The following PTPRK variants were observed in gnomAD, a reference collection of about 807,000 sequenced individuals.
PTPRK encodes protein tyrosine phosphatase receptor type K, also known as receptor-type tyrosine-protein phosphatase kappa.
Under a neutral mutation model 178.0 loss-of-function variants are expected in PTPRK, and 75 were observed. That is an observed-to-expected ratio of 0.42 (90% CI 0.35 to 0.51). The LOEUF is 0.51. Among genes scored for constraint, PTPRK ranks in the 20% least tolerant of loss-of-function variants. The pLI, the probability that PTPRK is intolerant of heterozygous loss-of-function variation, is 0.02. For synonymous variants in PTPRK, 637 were observed against 620.6 expected, an observed-to-expected ratio of 1.03 and a Z score of -0.39; for missense variants, 1,441 against 1,797.8, an observed-to-expected ratio of 0.80 and a Z score of 3.59.
At chr6:128,495,114 A>T (rs1854466182) in intron 1 of PTPRK, among the ~76,000 whole-genome samples, 1 of 152,178 alleles carries the variant, frequency 6.6e-6, no homozygotes, top group Admixed American at 6.6e-5. Flanking sequence ...TGTGTGGGTG[A>T]GTGTGTGTAT....
At chr6:128,170,916 A>G (rs569136987) in intron 7 of PTPRK, among the ~76,000 whole-genome samples, 8 of 151,906 alleles carry the variant, frequency 5.3e-5, no homozygotes, top group African/African-American at 1.9e-4. Context: ...AAAAAAAAAA[A>G]CTGTTAACAC....
chr6:128,067,622 A>G lies in PTPRK; in HGVS notation c.2054T>C (p.Phe685Ser). 1 of 1,613,632 alleles carries G rather than the reference A, an allele frequency of 6.2e-7. No individual in the cohort carries two copies. Among genetic ancestry groups the G allele is most frequent in the South Asian group, 1.1e-5 (1 of 91,036 alleles). ...PPGNLPEPAP[F>S]TVGDNRTYQG... is the part of the protein sequence containing the mutation. ...GTAGGTCCGATTGTCACCCACAGTG[A>G]ACGGGGCAGGCTCAGGTAGGTTTCC... The change falls in exon 12 of 30, where the codon TTC (phenylalanine) becomes TCC (serine). Residue 685 changes from phenylalanine (F) to serine (S), a missense_variant. Physicochemically the swap from Phe to Ser is radical, Grantham distance 155. Around this residue, in one of 4 missense-constraint regions of PTPRK, gnomAD observed 945 missense variants for 1,080.6 expected, o/e 0.87. Transcript: ENST00000368226.
At chr6:128,494,705 G>A (rs13196790) in intron 1 of PTPRK, among the ~76,000 whole-genome samples, 10,587 of 152,246 alleles carry the variant, frequency 0.07, 747 homozygotes, top group African/African-American at 0.18. Context: ...ACGCCGTCAT[G>A]CAATCCAAAA....
At chr6:128,464,238 A>T (rs939322977) in intron 1 of PTPRK, among the ~76,000 whole-genome samples, 11 of 152,118 alleles carry the variant, frequency 7.2e-5, no homozygotes, top group Admixed American at 3.3e-4. Flanking sequence ...CTTCAACAGA[A>T]GTCAAGTAAA....
At chr6:128,486,180 G>A (rs1852845997) in intron 1 of PTPRK, among the ~76,000 whole-genome samples, 1 of 151,692 alleles carries the variant, frequency 6.6e-6, no homozygotes, top group African/African-American at 2.4e-5. Context: ...AATAAAAAGG[G>A]GGTGACAGTT....
intron 1 of PTPRK, among the ~76,000 whole-genome samples, chr6:128,430,823 C>T (rs1006613184): frequency 1.3e-5 from 2 of 152,192 alleles, no homozygotes; most frequent in Non-Finnish European, 2.9e-5. Flanking sequence ...CACACACCCC[C>T]GGGGAGAAAC....
At chr6:128,112,809 T>C (rs975514493) in intron 7 of PTPRK, among the ~76,000 whole-genome samples, 36 of 152,252 alleles carry the variant, frequency 2.4e-4, no homozygotes, top group African/African-American at 8.7e-4. Context: ...TTCTTTTGCT[T>C]TCACTTTGTT....
intron 7 of PTPRK, among the ~76,000 whole-genome samples, chr6:128,165,781 A>G (rs1799313129): frequency 6.6e-6 from 1 of 151,636 alleles, no homozygotes; most frequent in East Asian, 1.9e-4. Context: ...ATACTCAAGC[A>G]TTTATGAAAA....
intron 1 of PTPRK, among the ~76,000 whole-genome samples, chr6:128,414,074 A>G (rs1439166645): frequency 6.6e-6 from 1 of 152,198 alleles, no homozygotes; most frequent in Non-Finnish European, 1.5e-5. Context: ...GAGTAGAGCA[A>G]CAAATTCCCT....
intron 1 of PTPRK, among the ~76,000 whole-genome samples, chr6:128,487,585 C>A (rs1853137408): frequency 1.3e-5 from 2 of 151,966 alleles, no homozygotes; most frequent in Non-Finnish European, 1.5e-5. Context: ...CAGCAGCATA[C>A]CCAAGAGGAA....
intron 1 of PTPRK, among the ~76,000 whole-genome samples, chr6:128,455,714 G>A (rs972748267): frequency 6.6e-6 from 1 of 152,110 alleles, no homozygotes; most frequent in African/African-American, 2.4e-5. Context: ...AATGTCTTAT[G>A]TAATATTTAA....
At chr6:128,497,967 G>A (rs973013064) in intron 1 of PTPRK, among the ~76,000 whole-genome samples, 1 of 151,814 alleles carries the variant, frequency 6.6e-6, no homozygotes. Flanking sequence ...TGACTAATAT[G>A]CATCCTTAAA....
chr6:127,997,890 G>A (rs1777341380), intron 16 of PTPRK, among the ~76,000 whole-genome samples: 1 of 152,106 alleles, frequency 6.6e-6, no homozygotes, highest in African/African-American at 2.4e-5. Context: ...GAAATTGGAT[G>A]TATTTTGGAT....
chr6:128,320,854 A>G (rs183226139), intron 3 of PTPRK, among the ~76,000 whole-genome samples: 231 of 152,242 alleles, frequency 1.5e-3, no homozygotes, highest in African/African-American at 5.4e-3. Flanking sequence ...ACCCTGAAAA[A>G]GCAGATGGCT....
intron 2 of PTPRK, among the ~76,000 whole-genome samples, chr6:128,356,113 T>C (rs1477659948): frequency 6.6e-6 from 1 of 152,178 alleles, no homozygotes; most frequent in East Asian, 1.9e-4. Flanking sequence ...CCCTTCTCTC[T>C]ATTTGCAAGG....
At chr6:128,045,078 ACTT>A (rs1308659416) in intron 13 of PTPRK, among the ~76,000 whole-genome samples, 1 of 152,042 alleles carries the variant, frequency 6.6e-6, no homozygotes, top group Non-Finnish European at 1.5e-5. Context: ...AGTTCAGCTG[ACTT>A]CTTAAGATGT....
chr6:128,240,430 T>C (rs560484474), intron 4 of PTPRK, among the ~76,000 whole-genome samples: 1 of 152,188 alleles, frequency 6.6e-6, no homozygotes, highest in African/African-American at 2.4e-5. Flanking sequence ...GCTGAACTGC[T>C]GCCATAGCAT....
intron 21 of PTPRK, among the ~76,000 whole-genome samples, chr6:127,987,403 A>G (rs1432371077): frequency 6.6e-6 from 1 of 152,112 alleles, no homozygotes; most frequent in Non-Finnish European, 1.5e-5. Flanking sequence ...GCGTATCCGT[A>G]AGTACACTTT....
At chr6:128,134,785 C>T (rs978015623) in intron 7 of PTPRK, among the ~76,000 whole-genome samples, 1 of 152,110 alleles carries the variant, frequency 6.6e-6, no homozygotes, top group African/African-American at 2.4e-5. Context: ...GCCTGGGTGA[C>T]AGAGTAAGAC....
Sources: allele counts gnomAD v4.1 joint callset (sites outside exome capture counted in the v4.1 genomes callset), GRCh38; gene constraint gnomAD v4.1.1; regional missense constraint gnomAD v4.1.1; transcripts MANE v1.5; gene names NCBI Gene and HGNC (gene_info 2026-07-23, HGNC 2026-07-21).